The following OSBPL1A variants were observed in gnomAD, a reference collection of about 807,000 sequenced individuals.
The protein encoded by OSBPL1A is oxysterol binding protein like 1A.
In OSBPL1A, 80 loss-of-function variants were observed where a neutral mutation model predicts 137.1. The observed-to-expected ratio is 0.58, with a 90% CI of 0.49 to 0.70. The LOEUF is 0.70. Among genes scored for constraint, OSBPL1A ranks in the 30% least tolerant of loss-of-function variants. The pLI is 0.00. For missense variants in OSBPL1A, 970 were observed against 1,129.4 expected, an observed-to-expected ratio of 0.86 and a Z score of 2.02; for synonymous variants, 365 against 389.7, an observed-to-expected ratio of 0.94 and a Z score of 0.75.
Position 24,181,427 on chromosome 18 carries a change from T to C in OSBPL1A, c.1678-148A>G, listed in dbSNP as rs957500566. ...TCAATATTGGTTCAATTTCACAAAT[T>C]CTTTCCAGAGCACCTAATACCATGG... On this transcript the variant is annotated intron_variant, in intron 18 of 27. Coordinates refer to ENST00000319481, the MANE Select transcript of OSBPL1A (RefSeq NM_080597.4). The C allele has an allele frequency of 9.4e-6, 8 of 853,574 alleles. No individual in the cohort carries two copies. The African/African-American group carries it at 1.0e-4, about 11-fold the overall frequency. The allele number at this position is 853,574 out of a possible 1,614,324, so 52.9% of individuals were successfully genotyped here. A position where few individuals can be genotyped will look rare whatever the true frequency, so the allele number is the denominator to read the frequency against.
intron 15 of OSBPL1A, among the ~76,000 whole-genome samples, chr18:24,265,931 G>A (rs2089559701): frequency 6.6e-6 from 1 of 152,158 alleles, no homozygotes; most frequent in African/African-American, 2.4e-5. Flanking sequence ...CCACAAACCA[G>A]TTTTGCTCCC....
intron 16 of OSBPL1A, among the ~76,000 whole-genome samples, chr18:24,228,451 T>G (rs716510): frequency 0.51 from 77,395 of 151,854 alleles, 20,007 homozygotes; most frequent in East Asian, 0.62. Context: ...AATTCTTATT[T>G]TGACTCATCC....
intron 14 of OSBPL1A, among the ~76,000 whole-genome samples, chr18:24,295,768 T>C (rs190576119): frequency 6.6e-6 from 1 of 152,312 alleles, no homozygotes; most frequent in Admixed American, 6.5e-5. Flanking sequence ...CCCCAATTTA[T>C]GTTTTTGTAT....
chr18:24,201,863 A>G (rs1275673973), intron 17 of OSBPL1A, among the ~76,000 whole-genome samples: 2 of 152,004 alleles, frequency 1.3e-5, no homozygotes, highest in Non-Finnish European at 2.9e-5. Flanking sequence ...CACTGAGCCC[A>G]CCTCCTGCAT....
chr18:24,382,412 A>G (rs1906662829), intron 1 of OSBPL1A, among the ~76,000 whole-genome samples: 1 of 150,190 alleles, frequency 6.7e-6, no homozygotes, highest in Admixed American at 6.7e-5. Flanking sequence ...GTCTCAAAAA[A>G]AAAAAAAAAA....
intron 4 of OSBPL1A, among the ~76,000 whole-genome samples, chr18:24,354,133 T>C (rs1323589475): frequency 6.9e-6 from 1 of 144,952 alleles, no homozygotes; most frequent in Non-Finnish European, 1.5e-5. Flanking sequence ...AAACAGGAGG[T>C]TAAAAAAAAA....
At chr18:24,292,042 G>A (rs944552059) in intron 14 of OSBPL1A, among the ~76,000 whole-genome samples, 4 of 152,088 alleles carry the variant, frequency 2.6e-5, no homozygotes, top group South Asian at 2.1e-4. Flanking sequence ...CCAAGATTGC[G>A]CCACTGTACT....
intron 16 of OSBPL1A, among the ~76,000 whole-genome samples, chr18:24,235,965 C>CAGAGAGAG (rs533326117): frequency 8.3e-4 from 127 of 152,246 alleles, no homozygotes; most frequent in Middle Eastern, 3.4e-3. Context: ...CACGGGCAGT[C>CAGAGAGAG]AGAGAGAGAC....
At position 24,179,753 on chromosome 18, in the gene OSBPL1A, G is replaced by C; in HGVS notation, c.1895C>G (p.Thr632Ser). 6.2e-7 allele frequency: 1 copy of C among 1,614,078 alleles called. No homozygotes were observed. The highest frequency in any genetic ancestry group is 8.5e-7 in the Non-Finnish European group (1 of 1,179,984). Residue 632 changes from threonine (T) to serine (S), a missense_variant, in exon 20 of 28, where the codon ACT (threonine) becomes AGT (serine). Around this residue, in one of 2 missense-constraint regions of OSBPL1A, gnomAD observed 323 missense variants for 456.8 expected, o/e 0.71. Transcript: ENST00000319481. ...AAGGCCTCACCGCACTAATTCATAA[G>C]TCTCTCCCAGCAGTGGGTTGAAAGG... ...GKPFNPLLGE[T>S]YELVRDDLGF... is the part of the protein sequence containing the mutation.
intron 24 of OSBPL1A, among the ~76,000 whole-genome samples, chr18:24,168,373 G>A (rs2086193575): frequency 6.6e-6 from 1 of 152,188 alleles, no homozygotes; most frequent in African/African-American, 2.4e-5. Flanking sequence ...TCTTGGGGAA[G>A]TCAACTAAAT....
intron 17 of OSBPL1A, among the ~76,000 whole-genome samples, chr18:24,224,596 GTCTTTGTT>G (rs1567957407): frequency 6.6e-6 from 1 of 152,156 alleles, no homozygotes; most frequent in Admixed American, 6.5e-5. Flanking sequence ...CTTAATAAAA[GTCTTTGTT>G]TAAATTTAAC....
intron 1 of OSBPL1A, among the ~76,000 whole-genome samples, chr18:24,385,148 G>A (rs1030726536): frequency 4.5e-4 from 68 of 152,004 alleles, no homozygotes; most frequent in Non-Finnish European, 5.0e-4. Flanking sequence ...TAGAGACAGG[G>A]TTTCACTGTG....
intron 11 of OSBPL1A, among the ~76,000 whole-genome samples, chr18:24,316,330 T>C (rs886469458): frequency 1.3e-5 from 2 of 151,904 alleles, no homozygotes; most frequent in African/African-American, 4.8e-5. Flanking sequence ...AGCATGAAAG[T>C]AGAACACATT....
At chr18:24,295,686 A>G (rs1228213249) in intron 14 of OSBPL1A, among the ~76,000 whole-genome samples, 7 of 152,202 alleles carry the variant, frequency 4.6e-5, no homozygotes, top group Non-Finnish European at 1.0e-4. Flanking sequence ...GAAAAGCTAT[A>G]TAAACTGAAT....
At chr18:24,242,998 C>G (rs780381010) in intron 15 of OSBPL1A, among the ~76,000 whole-genome samples, 2 of 152,074 alleles carry the variant, frequency 1.3e-5, no homozygotes, top group Non-Finnish European at 2.9e-5. Flanking sequence ...TAAACAAGGA[C>G]TACATGAGGC....
At chr18:24,228,174 C>T (rs2088150043) in intron 16 of OSBPL1A, among the ~76,000 whole-genome samples, 1 of 152,070 alleles carries the variant, frequency 6.6e-6, no homozygotes, top group Non-Finnish European at 1.5e-5. Context: ...GATGCTCCAT[C>T]AGATGACAGT....
intron 15 of OSBPL1A, among the ~76,000 whole-genome samples, chr18:24,273,378 T>C (rs1165247131): frequency 6.6e-6 from 1 of 152,208 alleles, no homozygotes; most frequent in African/African-American, 2.4e-5. Context: ...TAGTGCTAGG[T>C]AGCAAAACAA....
chr18:24,386,088 TAAGAA>T (rs1906946860), intron 1 of OSBPL1A, among the ~76,000 whole-genome samples: 1 of 151,816 alleles, frequency 6.6e-6, no homozygotes, highest in East Asian at 1.9e-4. Context: ...ATTTCCAGAA[TAAGAA>T]AAGGGACAGA....
rs114976493 is a variant in OSBPL1A, at chr18:24,171,422, T to C, written c.2278A>G (p.Ile760Val). The C allele has an allele frequency of 8.3e-4, 1,339 of 1,611,662 alleles. 10 individuals are homozygous for C. In the African/African-American group the frequency reaches 0.016, roughly 19 times the overall value. ...GKELHKVEGYIQDKSKKKLCA... is the reference protein window; with the variant it reads ...GKELHKVEGYVQDKSKKKLCA... Reference sequence around the variant, plus strand: ...GAGAAATTTTACCTTTTATCTTGAATGTAGCCTTCAACTTTGTGTAATTCC... The same window carrying C: ...GAGAAATTTTACCTTTTATCTTGAACGTAGCCTTCAACTTTGTGTAATTCC... The change falls in exon 23 of 28, where the codon ATT (isoleucine) becomes GTT (valine). Residue 760 changes from isoleucine to valine, a missense_variant. Ile to Val is a conservative substitution (Grantham distance 29). Transcript: ENST00000319481.
Sources: gnomAD v4.1 joint callset for allele counts (sites outside exome capture counted in the v4.1 genomes callset) on GRCh38, gnomAD v4.1.1 for gene constraint, gnomAD v4.1.1 regional missense constraint, MANE v1.5 for transcripts, NCBI Gene and HGNC (gene_info 2026-07-23, HGNC 2026-07-21) for gene names.